ADARB2: variants seen among roughly 807,000 people sequenced by gnomAD.
The protein encoded by ADARB2 is inactive double-stranded RNA-specific editase B2.
A neutral mutation model predicts 62.2 loss-of-function variants in ADARB2; 25 were observed. The ratio of observed to expected loss-of-function variants is 0.40; its 90% CI spans 0.29 to 0.56. ADARB2 has a LOEUF of 0.56. ADARB2 is among the 20% of genes least tolerant of loss of function. The pLI, the probability that ADARB2 is intolerant of heterozygous loss-of-function variation, is 0.43. For synonymous variants in ADARB2, 572 were observed against 500.8 expected, an observed-to-expected ratio of 1.14 and a Z score of -1.90; for missense variants, 1,071 against 1,077.4, an observed-to-expected ratio of 0.99 and a Z score of 0.08.
intron 7 of ADARB2, among the ~76,000 whole-genome samples, chr10:1,206,123 G>A (rs143744497): frequency 2.9e-3 from 446 of 152,348 alleles, no homozygotes; most frequent in Middle Eastern, 0.014. Context: ...TGAAAAACCC[G>A]TCTCAAAAAC....
Position 1,349,117 on chromosome 10 carries a change from A to G in ADARB2, c.1077+13911T>C, listed in dbSNP as rs1465881828. The stretch of plus-strand genomic sequence containing the variant: ...GCCTTAACTGATGACATTCCACCAC[A>G]AAAGAAGTGAAAATGGCCTGTTCCT... On this transcript the variant is annotated intron_variant, in intron 3 of 9. Transcript: ENST00000381312. Among the ~76,000 whole-genome samples the G allele has an allele frequency of 7.2e-5, 11 of 152,222 alleles. No homozygotes were observed. In the East Asian group the frequency reaches 2.1e-3, roughly 29 times the overall value.
intron 1 of ADARB2, among the ~76,000 whole-genome samples, chr10:1,491,437 C>A (rs114893081): frequency 6.6e-6 from 1 of 152,246 alleles, no homozygotes; most frequent in African/African-American, 2.4e-5. Context: ...CTTACTGACA[C>A]CTAGCATTTG....
At chr10:1,307,135 G>T (rs1174043740) in intron 3 of ADARB2, among the ~76,000 whole-genome samples, 1 of 107,788 alleles carries the variant, frequency 9.3e-6, no homozygotes, top group Non-Finnish European at 2.1e-5. Flanking sequence ...TACCATCAGA[G>T]TGAACAGGCA....
chr10:1,660,969 CT>C (rs1382327585), intron 1 of ADARB2, among the ~76,000 whole-genome samples: 2 of 152,162 alleles, frequency 1.3e-5, no homozygotes, highest in African/African-American at 2.4e-5. Context: ...TAAACCCCCC[CT>C]CTGACCAGAA....
At chr10:1,248,755 A>G (rs1831010485) in intron 4 of ADARB2, among the ~76,000 whole-genome samples, 5 of 152,208 alleles carry the variant, frequency 3.3e-5, no homozygotes, top group Admixed American at 3.3e-4. Context: ...TAAAACTACT[A>G]CTCTGTAAGA....
chr10:1,360,518 C>G (rs967725382), intron 3 of ADARB2, among the ~76,000 whole-genome samples: 2 of 152,232 alleles, frequency 1.3e-5, no homozygotes, highest in African/African-American at 4.8e-5. Context: ...GCCACATTTA[C>G]AGCAATTTCT....
intron 7 of ADARB2, among the ~76,000 whole-genome samples, chr10:1,204,778 TCTC>T (rs896116890): frequency 2.6e-5 from 4 of 152,138 alleles, no homozygotes; most frequent in Non-Finnish European, 5.9e-5. Context: ...GTGGTTTAAA[TCTC>T]CTGGCATTGC....
rs1157265963 is a variant in ADARB2, at chr10:1,182,818, G to A, written c.*375C>T. On this transcript the variant is annotated 3_prime_UTR_variant, in exon 10 of 10. Transcript: ENST00000381312. ...ACCCCAGCATCACCAAGAGGCGCAC[G>A]CAGGGGTGGGGTGCAGGGACGGGGC... The A allele has an allele frequency of 2.7e-5, 5 of 184,680 alleles. No individual in the cohort carries two copies. The highest frequency in any genetic ancestry group is 1.4e-4 in the South Asian group (1 of 7,146). 11.4% of individuals were successfully genotyped at this position (184,680 alleles called of 1,614,324 possible). A position where few individuals can be genotyped will look rare whatever the true frequency, so the allele number is the denominator to read the frequency against.
At chr10:1,226,562 T>C (rs901028283) in intron 6 of ADARB2, among the ~76,000 whole-genome samples, 1 of 152,352 alleles carries the variant, frequency 6.6e-6, no homozygotes, top group African/African-American at 2.4e-5. Flanking sequence ...TGGTCTTTGA[T>C]GATGGTGATG....
intron 1 of ADARB2, among the ~76,000 whole-genome samples, chr10:1,555,176 C>T (rs1398382483): frequency 2.0e-5 from 3 of 152,264 alleles, no homozygotes; most frequent in South Asian, 2.1e-4. Context: ...TGAATGAACA[C>T]GGGACTGCAT....
intron 1 of ADARB2, among the ~76,000 whole-genome samples, chr10:1,733,489 A>T (rs1037263594): frequency 1.3e-5 from 2 of 152,224 alleles, no homozygotes; most frequent in African/African-American, 4.8e-5. Flanking sequence ...ATAACTAAAA[A>T]CATTTAAGAA....
chr10:1,551,905 G>A (rs896090116), intron 1 of ADARB2, among the ~76,000 whole-genome samples: 40 of 152,242 alleles, frequency 2.6e-4, no homozygotes, highest in African/African-American at 8.9e-4. Context: ...GAATGGGACT[G>A]ACTGGCCTTT....
rs545955709 is a variant in ADARB2, at chr10:1,631,994, G to A, written c.100+105057C>T. On this transcript the variant is annotated intron_variant, in intron 1 of 9. Transcript: ENST00000381312. Reference sequence around the variant, plus strand: ...TGCACTGCCTTAGGAGAATGTGTCCGCTCTTCACAGGGAAAAACAACATGG... The same window carrying A: ...TGCACTGCCTTAGGAGAATGTGTCCACTCTTCACAGGGAAAAACAACATGG... Among the ~76,000 whole-genome samples the A allele has an allele frequency of 8.5e-5, 13 of 152,190 alleles. No homozygotes were observed. In the South Asian group the frequency reaches 2.3e-3, roughly 27 times the overall value.
chr10:1,327,217 TTCAGCGCCTCCCCACG>T (rs1831869715), intron 3 of ADARB2, among the ~76,000 whole-genome samples: 5 of 37,782 alleles, frequency 1.3e-4, no homozygotes, highest in East Asian at 9.1e-4. Context: ...CTCCTCACAG[TTCAGCGCCTCCCCACG>T]GCACAGCACC....
At chr10:1,609,316 GCA>G (rs1833538169) in intron 1 of ADARB2, among the ~76,000 whole-genome samples, 2 of 152,300 alleles carry the variant, frequency 1.3e-5, no homozygotes, top group African/African-American at 2.4e-5. Context: ...CCTGATGATT[GCA>G]CAGAGACCCG....
chr10:1,685,554 A>G (rs1472807143), intron 1 of ADARB2, among the ~76,000 whole-genome samples: 1 of 152,252 alleles, frequency 6.6e-6, no homozygotes, highest in Admixed American at 6.5e-5. Flanking sequence ...ACAAAATTCT[A>G]TAAATTCTCA....
intron 1 of ADARB2, among the ~76,000 whole-genome samples, chr10:1,651,677 G>T (rs984990214): frequency 2.0e-5 from 3 of 152,110 alleles, no homozygotes; most frequent in South Asian, 2.1e-4. Flanking sequence ...GGCACATTTC[G>T]TGCAGAATAA....
At chr10:1,619,164 A>G (rs1010969707) in intron 1 of ADARB2, among the ~76,000 whole-genome samples, 1 of 152,212 alleles carries the variant, frequency 6.6e-6, no homozygotes, top group Non-Finnish European at 1.5e-5. Context: ...GTTGCATTAA[A>G]TATGAATGGT....
At chr10:1,215,319 G>A (rs535698608) in intron 7 of ADARB2, among the ~76,000 whole-genome samples, 10 of 152,304 alleles carry the variant, frequency 6.6e-5, no homozygotes, top group South Asian at 4.1e-4. Context: ...AGGATTTTAC[G>A]GGGGCTGGCT....
Sources: gnomAD v4.1 joint callset for allele counts (sites outside exome capture counted in the v4.1 genomes callset) on GRCh38, gnomAD v4.1.1 for gene constraint, MANE v1.5 for transcripts, NCBI Gene and HGNC (gene_info 2026-07-23, HGNC 2026-07-21) for gene names.